ZFYVE28: variants seen among roughly 807,000 people sequenced by gnomAD.
ZFYVE28 encodes the protein lateral signaling target protein 2 homolog.
ZFYVE28 carries 40 observed loss-of-function variants against 82.1 expected under a neutral mutation model. That is an observed-to-expected ratio of 0.49 (90% CI 0.38 to 0.63). The LOEUF (loss-of-function observed/expected upper bound fraction) is 0.63, where lower values mean the gene tolerates loss of function less well. ZFYVE28 is among the 30% of genes least tolerant of loss of function. The pLI is 0.00. For synonymous variants in ZFYVE28, 612 were observed against 546.1 expected, an observed-to-expected ratio of 1.12 and a Z score of -1.68; for missense variants, 1,321 against 1,242.1, an observed-to-expected ratio of 1.06 and a Z score of -0.96.
chr4:2,275,847 G>GCT (rs1411238695), intron 8 of ZFYVE28, among the ~76,000 whole-genome samples: 20 of 152,278 alleles, frequency 1.3e-4, no homozygotes, highest in Non-Finnish European at 2.9e-5. Context: ...CAGGGTCTTA[G>GCT]ACGCGGTGCT....
intron 8 of ZFYVE28, among the ~76,000 whole-genome samples, chr4:2,293,697 G>A (rs1171697759): frequency 1.4e-5 from 2 of 139,694 alleles, no homozygotes; most frequent in African/African-American, 5.3e-5. Context: ...AGCTTGCAGT[G>A]AGCCGAGATC....
intron 8 of ZFYVE28, chr4:2,285,348 CG>C (rs1404914883): frequency 6.6e-6 from 1 of 152,266 alleles, no homozygotes; most frequent in Non-Finnish European, 1.5e-5. Context: ...CCCACCTTGC[CG>C]CGGTGCTTCG....
intron 1 of ZFYVE28, among the ~76,000 whole-genome samples, chr4:2,404,926 C>T (rs967702482): frequency 1.4e-4 from 19 of 138,630 alleles, no homozygotes; most frequent in Non-Finnish European, 1.7e-4. Context: ...AGTGCAGTGG[C>T]ACAGTCGTAG....
intron 1 of ZFYVE28, among the ~76,000 whole-genome samples, chr4:2,369,872 G>C (rs563733766): frequency 5.8e-5 from 3 of 51,962 alleles, no homozygotes; most frequent in East Asian, 1.4e-3. Flanking sequence ...TTTTTTTTGA[G>C]ACAGAGTCTC....
At position 2,304,398 on chromosome 4, in the gene ZFYVE28, C is replaced by T; in HGVS notation, c.1942G>A (p.Gly648Arg). ...TSGSQVDTASGLQGEAGVAGQ... is the reference protein window; with the variant it reads ...TSGSQVDTASRLQGEAGVAGQ... ...GCAACCCCAGCCTCTCCTTGCAGCC[C>T]ACTCGCTGTGTCCACCTGGGAACCT... is the stretch of plus-strand genomic sequence containing the variant. The change falls in exon 8 of 13, where the codon GGG becomes AGG. Residue 648 changes from glycine (G) to arginine (R), a missense_variant. Gly to Arg is a moderately radical substitution (Grantham distance 125). Around this residue, in one of 2 missense-constraint regions of ZFYVE28, gnomAD observed 978 missense variants for 833.7 expected, o/e 1.17. Coordinates refer to ENST00000290974, the MANE Select transcript of ZFYVE28 (RefSeq NM_020972.3). 6.2e-7 allele frequency: 1 copy of T among 1,613,226 alleles called. No homozygotes were observed. The highest frequency in any genetic ancestry group is 8.5e-7 in the Non-Finnish European group (1 of 1,179,998).
At chr4:2,348,644 A>T (rs1400963352) in intron 2 of ZFYVE28, among the ~76,000 whole-genome samples, 1 of 152,220 alleles carries the variant, frequency 6.6e-6, no homozygotes, top group African/African-American at 2.4e-5. Context: ...CAATCAATGT[A>T]TGCTTATGCT....
intron 7 of ZFYVE28, among the ~76,000 whole-genome samples, chr4:2,311,074 T>C (rs1441177687): frequency 6.6e-6 from 1 of 152,250 alleles, no homozygotes; most frequent in African/African-American, 2.4e-5. Flanking sequence ...AATTTAGTGA[T>C]ATAAAGTTGT....
At chr4:2,308,709 G>GAAAGAA (rs1717064557) in intron 7 of ZFYVE28, among the ~76,000 whole-genome samples, 6 of 88,746 alleles carry the variant, frequency 6.8e-5, no homozygotes, top group Admixed American at 6.6e-4. Context: ...AAAGAAAAAA[G>GAAAGAA]AAAAGAAAAG....
At chr4:2,313,324 G>C (rs1183859971) in intron 7 of ZFYVE28, among the ~76,000 whole-genome samples, 1 of 151,782 alleles carries the variant, frequency 6.6e-6, no homozygotes, top group Non-Finnish European at 1.5e-5. Context: ...GCAGTGGGAT[G>C]ACCTTAGCTC....
chr4:2,387,538 A>C (rs1729406795), intron 1 of ZFYVE28, among the ~76,000 whole-genome samples: 1 of 152,228 alleles, frequency 6.6e-6, no homozygotes, highest in South Asian at 2.1e-4. Flanking sequence ...GGCCAGGAGC[A>C]GTGCTGCCTT....
rs145654491 is a variant in ZFYVE28, at chr4:2,331,439, C to T, written c.701+4266G>A. On this transcript the variant is annotated intron_variant, in intron 6 of 12. Coordinates refer to ENST00000290974, the MANE Select transcript of ZFYVE28 (RefSeq NM_020972.3). ...GGCAGATTGCTAGAGCCCGGGAACT[C>T]GAGACCAGCCTGGACAACACAGCAA... 1.8e-3 allele frequency among the ~76,000 whole-genome samples: 277 copies of T among 151,390 alleles called. 2 individuals carry two copies. Among genetic ancestry groups the T allele is most frequent in the African/African-American group, 5.9e-3 (242 of 41,182 alleles).
At chr4:2,393,031 T>C (rs936357401) in intron 1 of ZFYVE28, among the ~76,000 whole-genome samples, 2 of 152,240 alleles carry the variant, frequency 1.3e-5, no homozygotes, top group East Asian at 1.9e-4. Flanking sequence ...TTGGAAGGAA[T>C]TGGATTCACA....
Position 2,320,201 on chromosome 4 carries a change from G to A in ZFYVE28, c.772C>T (p.Arg258Trp), listed in dbSNP as rs1227955666. 34 of 1,600,838 alleles carry A rather than the reference G, an allele frequency of 2.1e-5. No individual in the cohort carries two copies. The highest frequency in any genetic ancestry group is 2.5e-5 in the Non-Finnish European group (29 of 1,172,362). Residue 258 changes from arginine (R) to tryptophan (W), a missense_variant, in exon 7 of 13, where the codon CGG becomes TGG. This residue lies in a region of ZFYVE28 where 343 missense variants were observed against 408.4 expected (regional missense o/e 0.84). Transcript: ENST00000290974. The surrounding 1 kb of genome is among the most constrained non-coding windows in gnomAD (Gnocchi z 5.1). ...RKVEDMSELF[R>W]PFHTLLRKIR... ...TTCCGCAGCAACGTGTGGAAGGGCC[G>A]GAACAGCTCGGACATGTCTTCCACC...
rs117422404 is a variant in ZFYVE28, at chr4:2,368,308, G to A, written c.40-14235C>T. ...TCTCAGCTACTCAGGAGGCTGAAGC[G>A]GGAAGATCGCTTGAGCCCGGGAGGT... On this transcript the variant is annotated intron_variant, in intron 1 of 12. Transcript: ENST00000290974. Among the ~76,000 whole-genome samples the A allele has an allele frequency of 2.4e-3, 366 of 152,124 alleles. 7 individuals are homozygous for A. The East Asian group carries it at 0.058, about 24-fold the overall frequency.
chr4:2,344,125 T>C (rs1723185511), intron 2 of ZFYVE28, among the ~76,000 whole-genome samples: 1 of 152,096 alleles, frequency 6.6e-6, no homozygotes, highest in Admixed American at 6.5e-5. Context: ...TTTCAAGTCA[T>C]GGAACAGGAG....
At chr4:2,323,989 T>A (rs370681529) in intron 6 of ZFYVE28, among the ~76,000 whole-genome samples, 1 of 152,168 alleles carries the variant, frequency 6.6e-6, no homozygotes, top group African/African-American at 2.4e-5. Context: ...CCAGTTTCTC[T>A]TTTTATCTTT....
At chr4:2,288,066 A>G (rs1210698696) in intron 8 of ZFYVE28, among the ~76,000 whole-genome samples, 1 of 152,054 alleles carries the variant, frequency 6.6e-6, no homozygotes, top group African/African-American at 2.4e-5. Context: ...TGGGCCTCGG[A>G]AGGCAGAAGC....
chr4:2,342,269 G>A (rs771063216), intron 2 of ZFYVE28, among the ~76,000 whole-genome samples: 3 of 152,336 alleles, frequency 2.0e-5, no homozygotes, highest in East Asian at 1.9e-4. Context: ...CTGGAAGGGG[G>A]TGCTGCTTTC....
Position 2,372,661 on chromosome 4 carries a change from G to C in ZFYVE28, c.40-18588C>G, listed in dbSNP as rs908393377. On this transcript the variant is annotated intron_variant, in intron 1 of 12. Coordinates refer to ENST00000290974, the MANE Select transcript of ZFYVE28 (RefSeq NM_020972.3). This position sits in a 1 kb window ranked among gnomAD's most constrained non-coding sequence, Gnocchi z 5.2. ...TGAGGGAGGGCCTGCGGCTGGGCAC[G>C]GGTGGGCACTGGCTGTCACTCCCTC... Among the ~76,000 whole-genome samples the C allele has an allele frequency of 6.6e-6, 1 of 152,132 alleles. No individual in the cohort carries two copies. Among genetic ancestry groups the C allele is most frequent in the East Asian group, 1.9e-4 (1 of 5,188 alleles).
Sources: allele counts gnomAD v4.1 joint callset (sites outside exome capture counted in the v4.1 genomes callset), GRCh38; gene constraint gnomAD v4.1.1; regional missense constraint gnomAD v4.1.1; non-coding constraint Gnocchi (gnomAD v3.1); transcripts MANE v1.5; gene names NCBI Gene and HGNC (gene_info 2026-07-23, HGNC 2026-07-21).